The following MYCBP2 variants were observed in gnomAD, a reference collection of about 807,000 sequenced individuals.
The protein encoded by MYCBP2 is E3 ubiquitin-protein ligase MYCBP2.
In MYCBP2, 120 loss-of-function variants were observed where a neutral mutation model predicts 525.3. The observed-to-expected ratio is 0.23, with a 90% CI of 0.20 to 0.27. The LOEUF is 0.27. MYCBP2 is among the 10% of genes least tolerant of loss of function. The pLI is 1.00. For synonymous variants in MYCBP2, 1,894 were observed against 1,955.8 expected, an observed-to-expected ratio of 0.97 and a Z score of 0.83; for missense variants, 4,149 against 5,657.1, an observed-to-expected ratio of 0.73 and a Z score of 8.55.
chr13:77,164,671 T>C (rs1017141294), intron 42 of MYCBP2, 130 bp from the exon 43 acceptor site: 92 of 670,856 alleles, frequency 1.4e-4, no homozygotes, highest in Non-Finnish European at 1.9e-4. Flanking sequence ...AATGGTTAAA[T>C]TGAGAGTAGA....
At position 77,055,765 on chromosome 13, in the gene MYCBP2, G is replaced by A; in HGVS notation, c.13440C>T (p.Asn4480=). The change falls in exon 80 of 83, where the codon AAC becomes AAT. Residue 4480 remains asparagine, a splice_region_variant and synonymous_variant. Transcript: ENST00000544440. ...CTTTTAGTACTATGTGATTAATTTT[G>A]TTCTGCAATAAAAAATGAACACTCT... ...FGFISCPICK[N]KINHIVLKDL... 1 of 1,605,930 alleles carries A rather than the reference G, an allele frequency of 6.2e-7. No homozygotes were observed. The highest frequency in any genetic ancestry group is 8.5e-7 in the Non-Finnish European group (1 of 1,175,030).
chr13:77,262,466 A>G (rs552159063), intron 10 of MYCBP2, among the ~76,000 whole-genome samples: 1 of 152,190 alleles, frequency 6.6e-6, no homozygotes, highest in East Asian at 1.9e-4. Context: ...GGTACCAGGC[A>G]TTATACAATT....
intron 1 of MYCBP2, among the ~76,000 whole-genome samples, chr13:77,306,502 TA>T (rs2079436655): frequency 1.3e-5 from 2 of 152,014 alleles, no homozygotes; most frequent in Admixed American, 1.3e-4. Context: ...GGACTATAAA[TA>T]AAGCTACCTT....
chr13:77,140,076 C>T lies in MYCBP2; in HGVS notation c.7489G>A (p.Val2497Ile). The change falls in exon 51 of 83, where the codon GTC becomes ATC. Residue 2497 changes from valine (V) to isoleucine (I), a missense_variant. Val to Ile is a conservative substitution (Grantham distance 29). Around this residue, in one of 21 missense-constraint regions of MYCBP2, gnomAD observed 692 missense variants for 852.7 expected, o/e 0.81. Coordinates refer to ENST00000544440, the MANE Select transcript of MYCBP2 (RefSeq NM_015057.5). ...TCAATAAAAGTGATAGTTCCATTGA[C>T]TTTCACTATGCCTATCTGCTCACTC... ...LQSEQIGIVKVNGTITFIDEI... is the reference protein window; with the variant it reads ...LQSEQIGIVKINGTITFIDEI... 2 of 1,612,422 alleles carry T rather than the reference C, an allele frequency of 1.2e-6. No homozygotes were observed. Among genetic ancestry groups the T allele is most frequent in the Non-Finnish European group, 1.7e-6 (2 of 1,179,506 alleles).
chr13:77,095,282 C>T (rs534174996), intron 58 of MYCBP2, 76 bp downstream of exon 58: 18 of 1,536,208 alleles, frequency 1.2e-5, no homozygotes, highest in East Asian at 9.1e-5. Context: ...GGTCAAATAC[C>T]GAACTACCCT....
chr13:77,151,606 T>C (rs775098193), intron 46 of MYCBP2, among the ~76,000 whole-genome samples: 42 of 152,184 alleles, frequency 2.8e-4, no homozygotes, highest in Admixed American at 2.6e-4. Flanking sequence ...AACTCTACAG[T>C]ATAGATGCAA....
intron 78 of MYCBP2, among the ~76,000 whole-genome samples, chr13:77,057,312 T>C (rs894805063): frequency 1.3e-5 from 2 of 152,214 alleles, no homozygotes; most frequent in Non-Finnish European, 2.9e-5. Context: ...GCCTTTGGCT[T>C]CTCCTGCTTT....
chr13:77,168,298 C>T (rs1338232105), intron 40 of MYCBP2, 130 bp downstream of exon 40: 2 of 680,842 alleles, frequency 2.9e-6, no homozygotes, highest in African/African-American at 3.6e-5. Flanking sequence ...TAATCACCTG[C>T]TGATTCTCTA....
chr13:77,263,214 C>A (rs1428928403), intron 10 of MYCBP2, among the ~76,000 whole-genome samples: 1 of 151,958 alleles, frequency 6.6e-6, no homozygotes, highest in Non-Finnish European at 1.5e-5. Flanking sequence ...TCTATAGTTA[C>A]CTTGAAAATC....
intron 14 of MYCBP2, among the ~76,000 whole-genome samples, chr13:77,254,018 T>C (rs2071694741): frequency 6.6e-6 from 1 of 151,914 alleles, no homozygotes; most frequent in African/African-American, 2.4e-5. Flanking sequence ...GGATACACTA[T>C]AGCATGTTCA....
intron 15 of MYCBP2, among the ~76,000 whole-genome samples, chr13:77,246,446 A>G (rs1246621389): frequency 6.6e-6 from 1 of 151,980 alleles, no homozygotes; most frequent in African/African-American, 2.4e-5. Flanking sequence ...ATGTCAGACA[A>G]AAGATGAAGA....
At chr13:77,062,430 C>T (rs2039462060) in intron 74 of MYCBP2, among the ~76,000 whole-genome samples, 166 bp downstream of exon 74, 1 of 152,210 alleles carries the variant, frequency 6.6e-6, no homozygotes, top group African/African-American at 2.4e-5. Flanking sequence ...TAGGGACTCT[C>T]TGAAATAGAC....
chr13:77,250,430 C>T (rs1039080823), intron 15 of MYCBP2, among the ~76,000 whole-genome samples: 11 of 152,242 alleles, frequency 7.2e-5, no homozygotes, highest in African/African-American at 2.6e-4. Flanking sequence ...CTTCTCTTCA[C>T]AAAATTTTCT....
chr13:77,214,459 A>T (rs1566946293), intron 21 of MYCBP2, among the ~76,000 whole-genome samples: 1 of 152,224 alleles, frequency 6.6e-6, no homozygotes, highest in Non-Finnish European at 1.5e-5. Flanking sequence ...GTAAAAAAAA[A>T]AATGAAGAGC....
intron 42 of MYCBP2, 52 bp from the exon 43 acceptor site, chr13:77,164,593 G>T: frequency 9.6e-7 from 1 of 1,045,882 alleles, no homozygotes; most frequent in East Asian, 2.4e-5. Flanking sequence ...ATGATAATAC[G>T]GATTATCAAC....
chr13:77,312,096 T>G (rs2080317147), intron 1 of MYCBP2, among the ~76,000 whole-genome samples: 1 of 152,212 alleles, frequency 6.6e-6, no homozygotes, highest in African/African-American at 2.4e-5. Flanking sequence ...AATGGCATCA[T>G]TGAGGTGCTC....
chr13:77,195,798 C>A (rs2061699760), intron 26 of MYCBP2, among the ~76,000 whole-genome samples: 1 of 152,124 alleles, frequency 6.6e-6, no homozygotes. Flanking sequence ...TGTTTCATGA[C>A]CCTTAGTACC....
Position 77,081,544 on chromosome 13 carries a change from G to T in MYCBP2, c.11301C>A (p.Thr3767=), listed in dbSNP as rs1416484767. 1.9e-6 allele frequency: 3 copies of T among 1,613,796 alleles called. No homozygotes were observed. Among genetic ancestry groups the T allele is most frequent in the East Asian group, 2.2e-5 (1 of 44,870 alleles). The change falls in exon 65 of 83, where the codon ACC becomes ACA. Residue 3767 remains threonine, a synonymous_variant. Transcript: ENST00000544440. This position sits in a 1 kb window ranked among gnomAD's most constrained non-coding sequence, Gnocchi z 4.6. ...IGSLTDGSTE[T]FWESGDEDKN... ...TATCTTCATCTCCTGATTCCCAAAA[G>T]GTTTCTGTGGAGCCGTCTGTCAAAC... is the stretch of plus-strand genomic sequence containing the variant.
intron 17 of MYCBP2, among the ~76,000 whole-genome samples, chr13:77,239,034 C>T (rs1184927571): frequency 2.0e-5 from 3 of 152,012 alleles, no homozygotes; most frequent in Non-Finnish European, 4.4e-5. Context: ...GCAGGAGAAT[C>T]GCTTGAAACC....
Sources: gnomAD v4.1 joint callset for allele counts (sites outside exome capture counted in the v4.1 genomes callset) on GRCh38, gnomAD v4.1.1 for gene constraint, gnomAD v4.1.1 regional missense constraint, Gnocchi (gnomAD v3.1) non-coding constraint, MANE v1.5 for transcripts, NCBI Gene and HGNC (gene_info 2026-07-23, HGNC 2026-07-21) for gene names.